The following PCDHA1 variants were observed in gnomAD, a reference collection of about 807,000 sequenced individuals.
PCDHA1 encodes the protein protocadherin alpha-1.
In PCDHA1, 42 loss-of-function variants were observed where a neutral mutation model predicts 61.3. That is an observed-to-expected ratio of 0.69 (90% CI 0.54 to 0.89). The LOEUF (loss-of-function observed/expected upper bound fraction) is 0.89, where lower values mean the gene tolerates loss of function less well. Ranked by LOEUF, PCDHA1 falls within the 40% of genes least tolerant of loss-of-function variation. The pLI is 0.00. For missense variants in PCDHA1, 1,256 were observed against 1,235.3 expected (o/e 1.02, Z -0.25); for synonymous variants, 610 against 553.8 (o/e 1.10, Z -1.43).
intron 1 of PCDHA1, chr5:140,875,665 C>A: frequency 6.2e-7 from 1 of 1,613,748 alleles, no homozygotes; most frequent in Non-Finnish European, 8.5e-7. Flanking sequence ...GCGCCTGTTC[C>A]GGGTGGCGTC....
rs782473874 is a variant in PCDHA1, at chr5:140,801,229, C to G, written c.2394+12545C>G. 13 of 1,612,092 alleles carry G rather than the reference C, an allele frequency of 8.1e-6. No homozygotes were observed. In the Admixed American group the frequency reaches 1.3e-4, roughly 17 times the overall value. ...TTCTCCTGGCGAGAAGATCCTGGAGCCCAGTGCCTGCTGCTTTCTCTTCTG... is the reference window on the plus strand; with the variant it reads ...TTCTCCTGGCGAGAAGATCCTGGAGGCCAGTGCCTGCTGCTTTCTCTTCTG... On this transcript the variant is annotated intron_variant, in intron 1 of 3. Transcript: ENST00000504120.
rs1372096351 is a variant in PCDHA1, at chr5:140,851,273, G to A, written c.2394+62589G>A. 3 of 1,057,916 alleles carry A rather than the reference G, an allele frequency of 2.8e-6. No homozygotes were observed. In the African/African-American group the frequency reaches 5.0e-5, roughly 18 times the overall value. The allele number at this position is 1,057,916 out of a possible 1,614,324, so 65.5% of individuals were successfully genotyped here. On this transcript the variant is annotated intron_variant, in intron 1 of 3. Coordinates refer to ENST00000504120, the MANE Select transcript of PCDHA1 (RefSeq NM_018900.4). ...CATAGTATTTTAGTCTACTTGTATT[G>A]TTTATAAGAAACCCAAGCAAAAATA...
chr5:140,899,123 A>T (rs1190536862), intron 1 of PCDHA1, among the ~76,000 whole-genome samples: 6 of 152,240 alleles, frequency 3.9e-5, no homozygotes, highest in Non-Finnish European at 7.3e-5. Flanking sequence ...ATATACAATC[A>T]TGTCTTCTGC....
intron 1 of PCDHA1, chr5:140,857,587 C>T: frequency 1.3e-6 from 2 of 1,596,526 alleles, no homozygotes; most frequent in South Asian, 2.2e-5. Context: ...ACGCGGAGAG[C>T]GGCAAGGTGT....
chr5:140,856,885 A>G, intron 1 of PCDHA1: 2 of 1,596,608 alleles, frequency 1.3e-6, no homozygotes, highest in Non-Finnish European at 1.7e-6. Context: ...TGATGTATTC[A>G]TTTAGCTCTT....
In PCDHA1 at chr5:140,829,378, C is replaced by T. The variant is rs142490526; in HGVS notation, c.2394+40694C>T. 28 of 1,614,180 alleles carry T rather than the reference C, an allele frequency of 1.7e-5. No homozygotes were observed. In the African/African-American group the frequency reaches 2.1e-4, roughly 12 times the overall value. On this transcript the variant is annotated intron_variant, in intron 1 of 3. Transcript: ENST00000504120. ...ATGAGTTGGTGGTAACCGCGCGGGA[C>T]GGGGGCTCGCCTTCGCTGTGGGCCA...
chr5:140,984,140 A>G (rs2097088641), intron 3 of PCDHA1, among the ~76,000 whole-genome samples: 1 of 152,240 alleles, frequency 6.6e-6, no homozygotes, highest in Non-Finnish European at 1.5e-5. Context: ...ATGTGGAGGC[A>G]TCTGGGAAGG....
chr5:140,831,462 T>C (rs1322617868), intron 1 of PCDHA1, among the ~76,000 whole-genome samples: 1 of 140,760 alleles, frequency 7.1e-6, no homozygotes, highest in South Asian at 2.4e-4. Context: ...TGGGCTCAAG[T>C]GATTCTCTCA....
At chr5:140,928,932 G>T in intron 1 of PCDHA1, 5 of 1,614,108 alleles carry the variant, frequency 3.1e-6, no homozygotes, top group Non-Finnish European at 2.5e-6. Flanking sequence ...TTTCTGCCCA[G>T]AACTTGTATT....
At chr5:140,796,103 G>T in intron 1 of PCDHA1, 2 of 1,614,180 alleles carry the variant, frequency 1.2e-6, no homozygotes, top group Non-Finnish European at 1.7e-6. Context: ...CGCGACTCTG[G>T]TACGAATGGA....
In PCDHA1 at chr5:140,842,752, G is replaced by A; in HGVS notation, c.2394+54068G>A. The A allele has an allele frequency of 8.2e-6, 13 of 1,595,020 alleles. 2 individuals are homozygous for A. The highest frequency in any genetic ancestry group is 1.1e-5 in the Non-Finnish European group (13 of 1,165,472). ...CGCCGGGCTGCCACATCTTCACGGT[G>A]TCTGCGCGAGACGCGGACGCGCAGG... On this transcript the variant is annotated intron_variant, in intron 1 of 3. Transcript: ENST00000504120.
At chr5:140,986,213 C>T (rs1554247816) in intron 3 of PCDHA1, among the ~76,000 whole-genome samples, 2 of 152,208 alleles carry the variant, frequency 1.3e-5, no homozygotes, top group Non-Finnish European at 2.9e-5. Context: ...TTACTGGCCC[C>T]TTTCTCTAGC....
At chr5:140,982,253 A>T (rs1209317234) in intron 2 of PCDHA1, 1 of 777,640 alleles carries the variant, frequency 1.3e-6, no homozygotes, top group African/African-American at 1.8e-5. Flanking sequence ...AAGATAGAAC[A>T]TGTGTGTTCC....
chr5:140,830,775 A>T, intron 1 of PCDHA1: 1 of 167,192 alleles, frequency 6.0e-6, no homozygotes. Context: ...TCATAGTAGC[A>T]TTTTTTTCTG....
At chr5:140,880,198 G>C (rs1360437780) in intron 1 of PCDHA1, among the ~76,000 whole-genome samples, 1 of 152,164 alleles carries the variant, frequency 6.6e-6, no homozygotes, top group Non-Finnish European at 1.5e-5. Flanking sequence ...ATAAACAGAA[G>C]AGGTTTTCCA....
intron 1 of PCDHA1, among the ~76,000 whole-genome samples, chr5:140,839,991 G>A (rs1554137668): frequency 1.3e-5 from 2 of 152,072 alleles, no homozygotes; most frequent in Admixed American, 1.3e-4. Flanking sequence ...AAAGTGGTTA[G>A]CCTTAGCACT....
At chr5:140,960,488 GT>G (rs1373763536) in intron 1 of PCDHA1, among the ~76,000 whole-genome samples, 4 of 152,150 alleles carry the variant, frequency 2.6e-5, no homozygotes, top group African/African-American at 9.7e-5. Flanking sequence ...AGAGGTGTAG[GT>G]TTGTTTGTTC....
At chr5:140,914,116 A>T (rs2076611706) in intron 1 of PCDHA1, among the ~76,000 whole-genome samples, 1 of 152,128 alleles carries the variant, frequency 6.6e-6, no homozygotes. Flanking sequence ...ATTAAGTCTG[A>T]TGTTTCTTTG....
chr5:140,887,707 C>A (rs1554183190), intron 1 of PCDHA1, among the ~76,000 whole-genome samples: 1 of 152,132 alleles, frequency 6.6e-6, no homozygotes, highest in African/African-American at 2.4e-5. Context: ...AACCATACTT[C>A]TTCTAATAGT....
Sources: gnomAD v4.1 joint callset for allele counts (sites outside exome capture counted in the v4.1 genomes callset) on GRCh38, gnomAD v4.1.1 for gene constraint, MANE v1.5 for transcripts, NCBI Gene and HGNC (gene_info 2026-07-23, HGNC 2026-07-21) for gene names.